Variants in AFF3 observed in about 807,000 individuals in gnomAD.
The protein encoded by AFF3 is ALF transcription elongation factor 3.
Under a neutral mutation model 129.7 loss-of-function variants are expected in AFF3, and 32 were observed. The ratio of observed to expected loss-of-function variants is 0.25; its 90% CI spans 0.19 to 0.33. AFF3 has a LOEUF of 0.33. AFF3 is among the 10% of genes least tolerant of loss of function. The pLI, the probability that AFF3 is intolerant of heterozygous loss-of-function variation, is 1.00. For missense variants in AFF3, 1,373 were observed against 1,592.0 expected (o/e 0.86, Z 2.34); for synonymous variants, 644 against 635.4 (o/e 1.01, Z -0.20).
intron 1 of AFF3, among the ~76,000 whole-genome samples, chr2:100,135,694 C>T (rs553142967): frequency 4.6e-5 from 7 of 152,258 alleles, no homozygotes; most frequent in South Asian, 2.1e-4. Context: ...GTTGGTTATG[C>T]GGCAAGGGAC....
At chr2:99,899,936 G>T (rs1694229783) in intron 7 of AFF3, among the ~76,000 whole-genome samples, 1 of 152,202 alleles carries the variant, frequency 6.6e-6, no homozygotes, top group Admixed American at 6.5e-5. Flanking sequence ...AATCAGGATG[G>T]TGTGCACTCT....
chr2:99,979,158 A>G (rs1251045102), intron 7 of AFF3, among the ~76,000 whole-genome samples: 1 of 151,450 alleles, frequency 6.6e-6, no homozygotes, highest in Non-Finnish European at 1.5e-5. Context: ...GACCGGGACT[A>G]AGTTGTTCTT....
intron 18 of AFF3, among the ~76,000 whole-genome samples, chr2:99,575,333 C>G (rs1258344921): frequency 6.6e-6 from 1 of 151,852 alleles, no homozygotes; most frequent in Non-Finnish European, 1.5e-5. Context: ...GATCTCGGCT[C>G]ACTGCAACCT....
At chr2:99,877,294 C>T (rs568976387) in intron 7 of AFF3, among the ~76,000 whole-genome samples, 4 of 152,192 alleles carry the variant, frequency 2.6e-5, no homozygotes, top group South Asian at 2.1e-4. Flanking sequence ...GAGATGTAAT[C>T]GGTATGAAGG....
At chr2:99,898,279 G>A (rs536471123) in intron 7 of AFF3, among the ~76,000 whole-genome samples, 1 of 152,234 alleles carries the variant, frequency 6.6e-6, no homozygotes, top group South Asian at 2.1e-4. Flanking sequence ...CACCCACCCC[G>A]TGTGCAGCAC....
intron 12 of AFF3, among the ~76,000 whole-genome samples, chr2:99,657,594 G>C (rs1023027099): frequency 6.6e-6 from 1 of 152,192 alleles, no homozygotes; most frequent in Admixed American, 6.5e-5. Context: ...TCCAATCTAA[G>C]AGGTTTGTGG....
intron 7 of AFF3, among the ~76,000 whole-genome samples, chr2:99,919,869 T>G (rs979094107): frequency 1.3e-5 from 2 of 151,964 alleles, no homozygotes; most frequent in African/African-American, 4.8e-5. Flanking sequence ...GTTACCAATA[T>G]CAAGAATAAA....
intron 10 of AFF3, among the ~76,000 whole-genome samples, chr2:99,743,448 G>A (rs1680884789): frequency 6.6e-6 from 1 of 152,180 alleles, no homozygotes. Context: ...CAGTCTTTGT[G>A]AGTGTGCTTT....
chr2:99,679,745 G>A (rs1193054600), intron 11 of AFF3, among the ~76,000 whole-genome samples: 3 of 152,196 alleles, frequency 2.0e-5, no homozygotes, highest in African/African-American at 7.2e-5. Context: ...TCCCTAACTA[G>A]CTCTGTGAAC....
intron 7 of AFF3, among the ~76,000 whole-genome samples, chr2:99,890,905 G>A (rs1311880012): frequency 6.6e-6 from 1 of 152,138 alleles, no homozygotes; most frequent in African/African-American, 2.4e-5. Flanking sequence ...ACTGAGGGGT[G>A]GGAGGTATTT....
intron 8 of AFF3, among the ~76,000 whole-genome samples, chr2:99,784,060 C>T (rs150889994): frequency 7.2e-5 from 11 of 152,252 alleles, no homozygotes; most frequent in African/African-American, 2.7e-4. Flanking sequence ...CTAAGGTAAC[C>T]TCTGCAGATG....
chr2:100,064,096 AAAAGAAAAG>A (rs1400646315), intron 4 of AFF3, among the ~76,000 whole-genome samples: 224 of 14,340 alleles, frequency 0.016, no homozygotes, highest in African/African-American at 0.038. Context: ...TCTCAAAAAA[AAAAGAAAAG>A]AAAAGAAAAG....
Position 99,565,499 on chromosome 2 carries a change from A to G in AFF3, c.3107T>C (p.Val1036Ala), listed in dbSNP as rs1218621807. Residue 1036 changes from valine to alanine, a missense_variant, in exon 20 of 25, where the codon GTA (valine) becomes GCA (alanine). Physicochemically the swap from Val to Ala is moderately conservative, Grantham distance 64. Coordinates refer to ENST00000672756, the MANE Select transcript of AFF3 (RefSeq NM_001386135.1). ...ACACGGTGCTTACCTGATGAGCTCT[A>G]CTGTTTCTGAATACATCGTATAAGG... Reference protein sequence around the residue: ...KSPYTMYSETVELIRYAMRLK... With the variant: ...KSPYTMYSETAELIRYAMRLK... The G allele has an allele frequency of 1.2e-6, 2 of 1,614,022 alleles. No homozygotes were observed. Among genetic ancestry groups the G allele is most frequent in the Non-Finnish European group, 8.5e-7 (1 of 1,179,926 alleles).
At chr2:99,929,311 G>C (rs956870197) in intron 7 of AFF3, among the ~76,000 whole-genome samples, 1 of 151,330 alleles carries the variant, frequency 6.6e-6, no homozygotes, top group Non-Finnish European at 1.5e-5. Context: ...TGGGCAACAA[G>C]AGCAAAACTC....
intron 13 of AFF3, among the ~76,000 whole-genome samples, chr2:99,640,868 G>C (rs371715130): frequency 6.6e-6 from 1 of 152,220 alleles, no homozygotes; most frequent in Non-Finnish European, 1.5e-5. Flanking sequence ...AGCTGTGGGC[G>C]CTGGGGCAGT....
intron 2 of AFF3, chr2:100,106,357 A>G: frequency 8.7e-7 from 1 of 1,152,654 alleles, no homozygotes; most frequent in Non-Finnish European, 1.1e-6. Context: ...GTAAAAACAT[A>G]GAGAATATGA....
At chr2:99,874,388 G>C (rs770409294) in intron 7 of AFF3, among the ~76,000 whole-genome samples, 4 of 152,094 alleles carry the variant, frequency 2.6e-5, no homozygotes, top group African/African-American at 4.8e-5. Flanking sequence ...GAAATTGCCT[G>C]GTCCCTGAAC....
intron 4 of AFF3, among the ~76,000 whole-genome samples, chr2:100,042,049 C>G (rs903204940): frequency 6.6e-6 from 1 of 152,164 alleles, no homozygotes; most frequent in Non-Finnish European, 1.5e-5. Flanking sequence ...CTACCACCCC[C>G]ACACCATCCC....
At chr2:100,121,890 G>A (rs377109170) in intron 2 of AFF3, among the ~76,000 whole-genome samples, 5 of 151,638 alleles carry the variant, frequency 3.3e-5, no homozygotes, top group South Asian at 2.1e-4. Context: ...GTGAAACCCC[G>A]TCTCTACTAA....
Sources: gnomAD v4.1 joint callset for allele counts (sites outside exome capture counted in the v4.1 genomes callset) on GRCh38, gnomAD v4.1.1 for gene constraint, MANE v1.5 for transcripts, NCBI Gene and HGNC (gene_info 2026-07-23, HGNC 2026-07-21) for gene names.